SLIT1: variants seen among roughly 807,000 people sequenced by gnomAD.
SLIT1 encodes the protein slit homolog 1 protein.
In SLIT1, 66 loss-of-function variants were observed where a neutral mutation model predicts 186.1. The observed-to-expected ratio is 0.35, with a 90% CI of 0.29 to 0.44. The LOEUF (loss-of-function observed/expected upper bound fraction) is 0.44. Ranked by LOEUF, SLIT1 falls within the 20% of genes least tolerant of loss-of-function variation. SLIT1 has a pLI of 1.00. For missense variants in SLIT1, 1,638 were observed against 2,037.4 expected (o/e 0.80, Z 3.77); for synonymous variants, 761 against 833.8 (o/e 0.91, Z 1.50).
intron 4 of SLIT1, among the ~76,000 whole-genome samples, chr10:97,079,423 A>G (rs1849081663): frequency 6.6e-6 from 1 of 152,208 alleles, no homozygotes; most frequent in Non-Finnish European, 1.5e-5. Context: ...TTCAGAATAT[A>G]TGTTATACTT....
intron 20 of SLIT1, among the ~76,000 whole-genome samples, chr10:97,042,159 G>T (rs1344837787): frequency 1.3e-5 from 2 of 152,164 alleles, no homozygotes; most frequent in Non-Finnish European, 2.9e-5. Flanking sequence ...GGCCTGGCCA[G>T]GCCAGCTGAG....
rs555866413 is a variant in SLIT1 at position 97,104,637 on chromosome 10, C to T, written c.414-38551G>A. ...AGCCCCTGTAACAAGGCCCAATCCA[C>T]ACCTCCAGCCCCCACCCCACCACAC... On this transcript the variant is annotated intron_variant, in intron 4 of 36. Transcript: ENST00000266058. Among the ~76,000 whole-genome samples the T allele has an allele frequency of 1.1e-4, 16 of 152,180 alleles. No individual in the cohort carries two copies. In the South Asian group the frequency reaches 3.3e-3, roughly 32 times the overall value.
At chr10:97,180,548 A>C (rs150115856) in intron 1 of SLIT1, among the ~76,000 whole-genome samples, 425 of 152,368 alleles carry the variant, frequency 2.8e-3, no homozygotes, top group Non-Finnish European at 4.3e-3. Context: ...TTCAATAGAT[A>C]GCTATCTGTT....
At chr10:97,116,915 G>A (rs778810600) in intron 4 of SLIT1, among the ~76,000 whole-genome samples, 6 of 151,904 alleles carry the variant, frequency 3.9e-5, no homozygotes, top group Non-Finnish European at 7.4e-5. Flanking sequence ...CCTTCCACCC[G>A]TCAGCTTGTT....
chr10:97,176,938 C>T (rs922044821), intron 1 of SLIT1, among the ~76,000 whole-genome samples: 1 of 152,170 alleles, frequency 6.6e-6, no homozygotes, highest in Non-Finnish European at 1.5e-5. Flanking sequence ...TGTGTGAGTC[C>T]TCGAAGGATG....
intron 3 of SLIT1, among the ~76,000 whole-genome samples, chr10:97,162,427 T>G (rs564597803): frequency 5.9e-5 from 9 of 152,114 alleles, no homozygotes; most frequent in Non-Finnish European, 1.3e-4. Context: ...CTGGCCAACA[T>G]GGTGAAACCC....
At chr10:97,165,435 G>A (rs777593529) in intron 1 of SLIT1, among the ~76,000 whole-genome samples, 4 of 151,974 alleles carry the variant, frequency 2.6e-5, no homozygotes, top group Admixed American at 1.3e-4. Flanking sequence ...AGAGAGGGCC[G>A]TACAATTTTA....
intron 30 of SLIT1, among the ~76,000 whole-genome samples, chr10:97,013,105 G>A (rs376235002): frequency 2.6e-5 from 4 of 152,112 alleles, no homozygotes; most frequent in Non-Finnish European, 4.4e-5. Flanking sequence ...TTAGATTTTC[G>A]TAAGGTCAGA....
rs866756990 is a variant in SLIT1 at position 97,043,449 on chromosome 10, G to A, written c.1918C>T (p.Arg640Trp). The A allele has an allele frequency of 1.4e-5, 23 of 1,613,840 alleles. No homozygotes were observed. Among genetic ancestry groups the A allele is most frequent in the East Asian group, 4.5e-5 (2 of 44,894 alleles). The change falls in exon 19 of 37, where the codon CGG becomes TGG. Residue 640 changes from arginine (R) to tryptophan (W), a missense_variant. Arg to Trp is a moderately radical substitution (Grantham distance 101). Transcript: ENST00000266058. This position sits in a 1 kb window ranked among gnomAD's most constrained non-coding sequence, Gnocchi z 7.0. The stretch of plus-strand genomic sequence containing the variant: ...TGGTTGTCGTAGAGCGAGAGGAGCC[G>A]GACGTTGCGCAGGCCCGTGAAGCTG... ...NDSFTGLRNVRLLSLYDNQIT... is the reference protein window; with the variant it reads ...NDSFTGLRNVWLLSLYDNQIT...
rs1219292876 is a variant in SLIT1 at position 97,010,349 on chromosome 10, A to G, written c.3341+644T>C. 3.9e-5 allele frequency among the ~76,000 whole-genome samples: 6 copies of G among 152,258 alleles called. No homozygotes were observed. Among genetic ancestry groups the G allele is most frequent in the Non-Finnish European group, 8.8e-5 (6 of 68,044 alleles). On this transcript the variant is annotated intron_variant, in intron 31 of 36. Coordinates refer to ENST00000266058, the MANE Select transcript of SLIT1 (RefSeq NM_003061.3). This position sits in a 1 kb window ranked among gnomAD's most constrained non-coding sequence, Gnocchi z 4.8. ...ACGATTCGACTTATAGGAAATCCCCAGAACAGGCAAATTTATAGACACAAA... is the reference window on the plus strand; with the variant it reads ...ACGATTCGACTTATAGGAAATCCCCGGAACAGGCAAATTTATAGACACAAA...
chr10:97,136,835 C>G (rs1318566392), intron 4 of SLIT1, among the ~76,000 whole-genome samples: 3 of 152,348 alleles, frequency 2.0e-5, no homozygotes, highest in East Asian at 3.9e-4. Flanking sequence ...AGGAACACCT[C>G]TCAACCTAGG....
chr10:97,046,158 T>C (rs1240060170), intron 18 of SLIT1, among the ~76,000 whole-genome samples: 1 of 152,180 alleles, frequency 6.6e-6, no homozygotes, highest in Non-Finnish European at 1.5e-5. Flanking sequence ...TCCTGCATCA[T>C]GGAGGAGCAG....
intron 4 of SLIT1, among the ~76,000 whole-genome samples, chr10:97,136,866 A>T (rs1039033690): frequency 1.3e-5 from 2 of 152,222 alleles, no homozygotes; most frequent in Non-Finnish European, 2.9e-5. Flanking sequence ...ATGTGAGCTG[A>T]TATTAACAAT....
chr10:97,171,579 A>G (rs1334823230), intron 1 of SLIT1, among the ~76,000 whole-genome samples: 3 of 152,134 alleles, frequency 2.0e-5, no homozygotes, highest in Admixed American at 1.3e-4. Flanking sequence ...CAGGACTTTG[A>G]GAGGCTGAGG....
intron 26 of SLIT1, among the ~76,000 whole-genome samples, chr10:97,019,474 C>T (rs1848484226): frequency 6.6e-6 from 1 of 152,202 alleles, no homozygotes. Context: ...CCTCTTTCCC[C>T]TCATGCCCTT....
rs916309809 is a variant in SLIT1 at position 97,002,247 on chromosome 10, T to C, written c.4277A>G (p.Gln1426Arg). ...GGCCTGGCAGTGGCCATGCAGGCACTGCAGGCCTCTGCAGGGCTCTGCCAG... is the reference window on the plus strand; with the variant it reads ...GGCCTGGCAGTGGCCATGCAGGCACCGCAGGCCTCTGCAGGGCTCTGCCAG... ...GALAEPCRGLQCLHGHCQASG... is the reference protein window; with the variant it reads ...GALAEPCRGLRCLHGHCQASG... The change falls in exon 36 of 37, where the codon CAG becomes CGG. Residue 1426 changes from glutamine to arginine, a missense_variant. Coordinates refer to ENST00000266058, the MANE Select transcript of SLIT1 (RefSeq NM_003061.3). The C allele has an allele frequency of 1.3e-6, 2 of 1,599,228 alleles. No individual in the cohort carries two copies. Among genetic ancestry groups the C allele is most frequent in the Non-Finnish European group, 1.7e-6 (2 of 1,172,470 alleles).
intron 4 of SLIT1, among the ~76,000 whole-genome samples, chr10:97,137,163 C>T (rs2636774): frequency 0.48 from 73,140 of 152,050 alleles, 20,462 homozygotes; most frequent in South Asian, 0.65. Flanking sequence ...TAATGTTTTC[C>T]TCTTCCTAAA....
chr10:97,086,407 TAA>T (rs77306001), intron 4 of SLIT1, among the ~76,000 whole-genome samples: 1 of 143,420 alleles, frequency 7.0e-6, no homozygotes, highest in Non-Finnish European at 1.5e-5. Context: ...CTGTCTCTAC[TAA>T]AAAAAAAAAA....
intron 4 of SLIT1, among the ~76,000 whole-genome samples, chr10:97,067,984 G>A (rs1026551284): frequency 5.9e-5 from 9 of 152,138 alleles, no homozygotes; most frequent in African/African-American, 1.7e-4. Context: ...GAAACCCAAC[G>A]GTGTGCACAG....
Sources: gnomAD v4.1 joint callset for allele counts (sites outside exome capture counted in the v4.1 genomes callset) on GRCh38, gnomAD v4.1.1 for gene constraint, Gnocchi (gnomAD v3.1) non-coding constraint, MANE v1.5 for transcripts, NCBI Gene and HGNC (gene_info 2026-07-23, HGNC 2026-07-21) for gene names.